The following WWP1 variants were observed in gnomAD, a reference collection of about 807,000 sequenced individuals.
The protein encoded by WWP1 is NEDD4-like E3 ubiquitin-protein ligase WWP1.
A neutral mutation model predicts 130.6 loss-of-function variants in WWP1; 49 were observed. That is an observed-to-expected ratio of 0.38 (90% CI 0.30 to 0.48). The LOEUF (loss-of-function observed/expected upper bound fraction) is 0.48. WWP1 is among the 20% of genes least tolerant of loss of function. WWP1 has a pLI of 0.99. For missense variants in WWP1, 809 were observed against 1,100.6 expected (o/e 0.74, Z 3.75); for synonymous variants, 332 against 367.8 (o/e 0.90, Z 1.11).
intron 24 of WWP1, among the ~76,000 whole-genome samples, chr8:86,463,778 A>C (rs1190603900): frequency 6.6e-6 from 1 of 152,008 alleles, no homozygotes; most frequent in African/African-American, 2.4e-5. Flanking sequence ...AGTGCAAGAC[A>C]GGCCAGGCAC....
chr8:86,440,326 G>A (rs1810523321), intron 17 of WWP1, among the ~76,000 whole-genome samples: 1 of 151,984 alleles, frequency 6.6e-6, no homozygotes, highest in Non-Finnish European at 1.5e-5. Context: ...GTATTGGTGG[G>A]CTAGATTCAT....
Position 86,467,043 on chromosome 8 carries a change from A to C in WWP1, c.*150A>C. 3.3e-6 allele frequency: 2 copies of C among 610,404 alleles called. No homozygotes were observed. The highest frequency in any genetic ancestry group is 5.7e-6 in the Non-Finnish European group (2 of 348,858). The allele number at this position is 610,404 out of a possible 1,614,324, so 37.8% of individuals were successfully genotyped here. A position where few individuals can be genotyped will look rare whatever the true frequency, so the allele number is the denominator to read the frequency against. On this transcript the variant is annotated 3_prime_UTR_variant, in exon 25 of 25. Coordinates refer to ENST00000517970, the MANE Select transcript of WWP1 (RefSeq NM_007013.4). ...TTCCGTTCTTCCACAGAAATATGCA[A>C]AACAGTTCATCCTTTTCTACTTTAT...
chr8:86,398,869 G>A lies in WWP1; in HGVS notation c.539+231G>A, dbSNP rs572509825. 1.3e-4 allele frequency among the ~76,000 whole-genome samples: 20 copies of A among 152,136 alleles called. No individual in the cohort carries two copies. The South Asian group carries it at 2.1e-3, about 16-fold the overall frequency. On this transcript the variant is annotated intron_variant, in intron 7 of 24. Coordinates refer to ENST00000517970, the MANE Select transcript of WWP1 (RefSeq NM_007013.4). Reference sequence around the variant, plus strand: ...CTTTTTAAAAGTATACATTTTAGTCGTTTTTAATATATTAAGAGAGTTGTG... The same window carrying A: ...CTTTTTAAAAGTATACATTTTAGTCATTTTTAATATATTAAGAGAGTTGTG...
At chr8:86,410,438 T>C (rs531458393) in intron 8 of WWP1, among the ~76,000 whole-genome samples, 2 of 152,264 alleles carry the variant, frequency 1.3e-5, no homozygotes, top group South Asian at 4.1e-4. Flanking sequence ...TCTAATGTTA[T>C]TTATATTAAA....
At chr8:86,435,568 T>A (rs1460116411) in intron 15 of WWP1, 41 bp downstream of exon 15, 1 of 1,612,878 alleles carries the variant, frequency 6.2e-7, no homozygotes, top group East Asian at 2.2e-5. Context: ...AATAATTTAG[T>A]CTTCTCTTTA....
intron 1 of WWP1, among the ~76,000 whole-genome samples, chr8:86,358,994 A>T (rs915760185): frequency 2.6e-5 from 4 of 152,226 alleles, no homozygotes; most frequent in Non-Finnish European, 4.4e-5. Context: ...ATGATTAGAA[A>T]TGAAGGAGAA....
At chr8:86,432,859 T>G (rs892583474) in intron 14 of WWP1, among the ~76,000 whole-genome samples, 2 of 152,142 alleles carry the variant, frequency 1.3e-5, no homozygotes, top group Non-Finnish European at 2.9e-5. Context: ...CCACCTGCTT[T>G]GGCCTCCCAA....
intron 9 of WWP1, among the ~76,000 whole-genome samples, chr8:86,416,515 C>T (rs1286115495): frequency 1.3e-5 from 2 of 152,070 alleles, no homozygotes; most frequent in Non-Finnish European, 2.9e-5. Context: ...AGAAGTTGCC[C>T]AGTCGTTCAC....
At chr8:86,425,561 CCTT>C (rs1184792261) in intron 10 of WWP1, among the ~76,000 whole-genome samples, 2 of 151,956 alleles carry the variant, frequency 1.3e-5, no homozygotes, top group African/African-American at 2.4e-5. Context: ...AGTTGTCAGT[CCTT>C]CTTTGTAATT....
chr8:86,421,779 C>T (rs1461216632), intron 9 of WWP1, among the ~76,000 whole-genome samples: 3 of 151,946 alleles, frequency 2.0e-5, no homozygotes, highest in South Asian at 2.1e-4. Flanking sequence ...GCCAAGATTG[C>T]GCCACTGCAT....
intron 9 of WWP1, among the ~76,000 whole-genome samples, chr8:86,424,666 A>G (rs1809492681): frequency 1.3e-5 from 2 of 151,662 alleles, no homozygotes; most frequent in Non-Finnish European, 2.9e-5. Context: ...CCAGTCAGGC[A>G]TGGCGGCGCA....
chr8:86,349,571 A>G (rs1461214854), intron 1 of WWP1, among the ~76,000 whole-genome samples: 1 of 152,156 alleles, frequency 6.6e-6, no homozygotes. Flanking sequence ...ACTTTCCGCA[A>G]ATCTGGATTT....
At chr8:86,403,911 G>C (rs922099727) in intron 8 of WWP1, among the ~76,000 whole-genome samples, 3 of 152,086 alleles carry the variant, frequency 2.0e-5, no homozygotes, top group African/African-American at 4.8e-5. Flanking sequence ...CTACTTTCTG[G>C]TAAGAACATT....
intron 23 of WWP1, 109 bp downstream of exon 23, chr8:86,461,429 G>T: frequency 1.1e-6 from 1 of 948,246 alleles, no homozygotes; most frequent in Non-Finnish European, 1.6e-6. Flanking sequence ...CTGTGCTGTA[G>T]GTAGGGCTTC....
intron 11 of WWP1, 55 bp from the exon 12 acceptor site, chr8:86,430,642 T>C: frequency 7.0e-7 from 1 of 1,429,782 alleles, no homozygotes; most frequent in South Asian, 1.3e-5. Context: ...TTATTTCTAC[T>C]TTCATATTAA....
intron 1 of WWP1, among the ~76,000 whole-genome samples, chr8:86,364,806 C>CGAAAGAAAGAAA (rs60630138): frequency 2.2e-5 from 3 of 135,754 alleles, no homozygotes; most frequent in Admixed American, 1.5e-4. Context: ...GACCCTGCCT[C>CGAAAGAAAGAAA]GAAAGAAAGA....
chr8:86,369,737 C>T (rs1824178015), intron 2 of WWP1, among the ~76,000 whole-genome samples: 1 of 152,084 alleles, frequency 6.6e-6, no homozygotes, highest in Non-Finnish European at 1.5e-5. Context: ...CCTTAAATCC[C>T]TCATTTACTG....
At chr8:86,358,958 T>C (rs1823407719) in intron 1 of WWP1, among the ~76,000 whole-genome samples, 1 of 152,038 alleles carries the variant, frequency 6.6e-6, no homozygotes, top group South Asian at 2.1e-4. Context: ...AGTTCAAAAC[T>C]GGAGAGATGA....
chr8:86,349,180 C>T (rs1822772039), intron 1 of WWP1, among the ~76,000 whole-genome samples: 1 of 152,134 alleles, frequency 6.6e-6, no homozygotes, highest in South Asian at 2.1e-4. Context: ...CACCACCATG[C>T]CCAGCTAATT....
Sources: allele counts gnomAD v4.1 joint callset (sites outside exome capture counted in the v4.1 genomes callset), GRCh38; gene constraint gnomAD v4.1.1; transcripts MANE v1.5; gene names NCBI Gene and HGNC (gene_info 2026-07-23, HGNC 2026-07-21).